The following PTPRT variants were observed in gnomAD, a reference collection of about 807,000 sequenced individuals.
PTPRT encodes receptor-type tyrosine-protein phosphatase T.
In PTPRT, 56 loss-of-function variants were observed where a neutral mutation model predicts 176.8. The ratio of observed to expected loss-of-function variants is 0.32; its 90% CI spans 0.26 to 0.40. The LOEUF is 0.40. Among genes scored for constraint, PTPRT ranks in the 10% least tolerant of loss-of-function variants. The probability of loss-of-function intolerance (pLI) is 1.00; values close to 1 mark genes in which losing one functional copy is unlikely to be tolerated. For synonymous variants in PTPRT, 783 were observed against 739.0 expected (o/e 1.06, Z -0.96); for missense variants, 1,540 against 1,908.2 (o/e 0.81, Z 3.60).
intron 7 of PTPRT, among the ~76,000 whole-genome samples, chr20:42,579,439 G>A (rs1056411576): frequency 6.6e-6 from 1 of 152,118 alleles, no homozygotes; most frequent in African/African-American, 2.4e-5. Flanking sequence ...TGGCATGGCT[G>A]GGTCAAATGG....
At chr20:42,080,998 G>C in intron 30 of PTPRT, 66 bp from the exon 31 acceptor site, 1 of 1,338,564 alleles carries the variant, frequency 7.5e-7, no homozygotes, top group Non-Finnish European at 1.1e-6. Context: ...AAAAAGGAAA[G>C]GGAAAATGCA....
chr20:42,402,046 A>G (rs1159099560), intron 9 of PTPRT, among the ~76,000 whole-genome samples: 3 of 152,106 alleles, frequency 2.0e-5, no homozygotes, highest in Non-Finnish European at 4.4e-5. Flanking sequence ...TCAGGCTAAG[A>G]ACTGTTAGGT....
At chr20:42,441,322 G>A (rs931328757) in intron 9 of PTPRT, among the ~76,000 whole-genome samples, 10 of 152,140 alleles carry the variant, frequency 6.6e-5, no homozygotes, top group African/African-American at 1.2e-4. Context: ...CAGCCCTGAC[G>A]AGTGTAGAGT....
At chr20:42,244,106 C>G (rs1276298727) in intron 14 of PTPRT, among the ~76,000 whole-genome samples, 2 of 152,120 alleles carry the variant, frequency 1.3e-5, no homozygotes, top group Non-Finnish European at 2.9e-5. Flanking sequence ...TTAGAATAGC[C>G]CCATAAAACT....
At chr20:42,591,240 T>A (rs984416808) in intron 7 of PTPRT, among the ~76,000 whole-genome samples, 2 of 151,876 alleles carry the variant, frequency 1.3e-5, no homozygotes, top group Non-Finnish European at 2.9e-5. Flanking sequence ...TAAAAAAAAA[T>A]TGTGTAATGC....
At chr20:42,772,689 C>T (rs1259723188) in intron 4 of PTPRT, among the ~76,000 whole-genome samples, 5 of 152,058 alleles carry the variant, frequency 3.3e-5, no homozygotes, top group Non-Finnish European at 7.4e-5. Context: ...ACTGGGATCA[C>T]CCCCAGAATG....
chr20:42,223,269 G>A (rs2055927764), intron 15 of PTPRT, among the ~76,000 whole-genome samples: 1 of 152,208 alleles, frequency 6.6e-6, no homozygotes, highest in African/African-American at 2.4e-5. Context: ...TGTCGTATAT[G>A]CATTCAATTA....
intron 7 of PTPRT, among the ~76,000 whole-genome samples, chr20:42,595,429 A>G (rs1412693936): frequency 6.6e-6 from 1 of 152,056 alleles, no homozygotes; most frequent in Non-Finnish European, 1.5e-5. Context: ...ATGGGTCCAG[A>G]TACGGTCAAA....
At chr20:42,336,985 G>A (rs1000801896) in intron 11 of PTPRT, among the ~76,000 whole-genome samples, 9 of 152,114 alleles carry the variant, frequency 5.9e-5, no homozygotes, top group African/African-American at 1.9e-4. Context: ...TTAATAGGGG[G>A]CCTCGCAGCT....
intron 16 of PTPRT, among the ~76,000 whole-genome samples, chr20:42,194,212 C>T (rs759061203): frequency 1.3e-5 from 2 of 152,230 alleles, no homozygotes; most frequent in Non-Finnish European, 2.9e-5. Flanking sequence ...AACTACCTCT[C>T]TCCCCAGACC....
chr20:42,455,831 T>C (rs1343084522), intron 8 of PTPRT, among the ~76,000 whole-genome samples: 1 of 152,150 alleles, frequency 6.6e-6, no homozygotes, highest in African/African-American at 2.4e-5. Context: ...TAATTAACAA[T>C]GAGGTGTAAG....
chr20:42,744,419 C>T (rs139317449), intron 6 of PTPRT, among the ~76,000 whole-genome samples: 1 of 152,310 alleles, frequency 6.6e-6, no homozygotes, highest in African/African-American at 2.4e-5. Flanking sequence ...AAGATAATTG[C>T]TCAGCTTTCA....
At position 42,079,676 on chromosome 20, in the gene PTPRT, G is replaced by A; in HGVS notation, c.*1203C>T. ...CCTATTTTAAATCAAAGTATAATGG[G>A]CTCCACAATGGCCTTTTTCAAGGTG... On this transcript the variant is annotated 3_prime_UTR_variant, in exon 31 of 31. Transcript: ENST00000373187. 1 of 228,800 alleles carries A rather than the reference G, an allele frequency of 4.4e-6. No homozygotes were observed. Among genetic ancestry groups the A allele is most frequent in the Non-Finnish European group, 8.7e-6 (1 of 115,260 alleles). 14.2% of individuals were successfully genotyped at this position (228,800 alleles called of 1,614,324 possible).
At chr20:42,265,038 C>A (rs571629339) in intron 13 of PTPRT, among the ~76,000 whole-genome samples, 1 of 152,276 alleles carries the variant, frequency 6.6e-6, no homozygotes, top group Admixed American at 6.5e-5. Flanking sequence ...ATAATGATGG[C>A]ACAAGTCTAA....
Position 42,648,389 on chromosome 20 carries a change from C to T in PTPRT, c.1153+29477G>A, listed in dbSNP as rs1417269937. 3.3e-5 allele frequency among the ~76,000 whole-genome samples: 5 copies of T among 152,246 alleles called. No individual in the cohort carries two copies. The South Asian group carries it at 8.3e-4, about 25-fold the overall frequency. ...AGCCCGGCAGAGAGAGAAGCCATCACAGGAACACAGTTGGCCTCAGCAGCC... is the reference window on the plus strand; with the variant it reads ...AGCCCGGCAGAGAGAGAAGCCATCATAGGAACACAGTTGGCCTCAGCAGCC... On this transcript the variant is annotated intron_variant, in intron 7 of 30. Coordinates refer to ENST00000373187, the MANE Select transcript of PTPRT (RefSeq NM_007050.6).
chr20:43,070,880 A>C (rs909349979), intron 1 of PTPRT, among the ~76,000 whole-genome samples: 5 of 151,764 alleles, frequency 3.3e-5, no homozygotes, highest in Non-Finnish European at 5.9e-5. Flanking sequence ...TGACGAGTTA[A>C]TGGGTGCAGC....
chr20:42,202,227 C>T lies in PTPRT; in HGVS notation c.2343-2839G>A, dbSNP rs371681881. On this transcript the variant is annotated intron_variant, in intron 15 of 30. Transcript: ENST00000373187. ...TCAGGCAATCCGCCTGCATTGGCCTCCCAAAGTGCTAGGATTACAGGTGGG... is the reference window on the plus strand; with the variant it reads ...TCAGGCAATCCGCCTGCATTGGCCTTCCAAAGTGCTAGGATTACAGGTGGG... 1.9e-3 allele frequency among the ~76,000 whole-genome samples: 288 copies of T among 152,244 alleles called. 2 individuals carry two copies. The highest frequency in any genetic ancestry group is 6.5e-3 in the African/African-American group (268 of 41,534).
At chr20:42,039,202 TA>T in the PTPRT span, among the ~76,000 whole-genome samples, 2 of 152,204 alleles carry the variant, frequency 1.3e-5, no homozygotes, top group African/African-American at 4.8e-5. Context: ...TAATTTATTT[TA>T]AAAATGTTTA....
At chr20:43,146,701 T>C (rs908175864) in intron 1 of PTPRT, among the ~76,000 whole-genome samples, 7 of 152,152 alleles carry the variant, frequency 4.6e-5, no homozygotes, top group Non-Finnish European at 8.8e-5. Flanking sequence ...TCCTCTCACT[T>C]GCATGGGCCC....
Sources: allele counts gnomAD v4.1 joint callset (sites outside exome capture counted in the v4.1 genomes callset), GRCh38; gene constraint gnomAD v4.1.1; transcripts MANE v1.5; gene names NCBI Gene and HGNC (gene_info 2026-07-23, HGNC 2026-07-21).